The following GFOD1 variants were observed in gnomAD, a reference collection of about 807,000 sequenced individuals.
GFOD1 encodes Gfo/Idh/MocA-like oxidoreductase domain containing 1.
GFOD1 carries 9 observed loss-of-function variants against 25.4 expected under a neutral mutation model. The observed-to-expected ratio is 0.35, with a 90% CI of 0.21 to 0.62. The LOEUF (loss-of-function observed/expected upper bound fraction) is 0.62, where lower values mean the gene tolerates loss of function less well. Among genes scored for constraint, GFOD1 ranks in the 20% least tolerant of loss-of-function variants. The probability of loss-of-function intolerance (pLI) is 0.72; values close to 1 mark genes in which losing one functional copy is unlikely to be tolerated. For synonymous variants in GFOD1, 253 were observed against 245.6 expected, an observed-to-expected ratio of 1.03 and a Z score of -0.28; for missense variants, 403 against 556.9, an observed-to-expected ratio of 0.72 and a Z score of 2.78.
At chr6:13,371,549 T>A (rs1380278701) in intron 1 of GFOD1, among the ~76,000 whole-genome samples, 3 of 152,220 alleles carry the variant, frequency 2.0e-5, no homozygotes, top group African/African-American at 7.2e-5. Context: ...TGCAGAGAAT[T>A]AGGCAAAGGG....
intron 1 of GFOD1, among the ~76,000 whole-genome samples, chr6:13,478,207 T>G (rs1758671179): frequency 6.6e-6 from 1 of 152,218 alleles, no homozygotes; most frequent in South Asian, 2.1e-4. Flanking sequence ...TGGTGCAATC[T>G]TGGCTTACTG....
At chr6:13,395,226 C>G (rs913180246) in intron 1 of GFOD1, among the ~76,000 whole-genome samples, 7 of 152,084 alleles carry the variant, frequency 4.6e-5, no homozygotes, top group African/African-American at 1.7e-4. Context: ...AAAAATTGCC[C>G]TCACAATGTC....
At chr6:13,386,317 C>T (rs1785475296) in intron 1 of GFOD1, among the ~76,000 whole-genome samples, 1 of 152,168 alleles carries the variant, frequency 6.6e-6, no homozygotes, top group Admixed American at 6.5e-5. Context: ...TCCAAATCCC[C>T]CTTTTCATTT....
chr6:13,408,017 A>G, intron 1 of GFOD1: 1 of 985,344 alleles, frequency 1.0e-6, no homozygotes, highest in Middle Eastern at 5.2e-4. Flanking sequence ...TGCTCCCAGA[A>G]AACTATAATC....
intron 1 of GFOD1, among the ~76,000 whole-genome samples, chr6:13,480,999 A>T (rs1371622742): frequency 1.3e-5 from 2 of 152,198 alleles, no homozygotes; most frequent in Non-Finnish European, 2.9e-5. Flanking sequence ...CTACTAGGTG[A>T]CTAAGTGTCT....
chr6:13,416,559 C>T (rs769270095), intron 1 of GFOD1, among the ~76,000 whole-genome samples: 2 of 152,092 alleles, frequency 1.3e-5, no homozygotes, highest in Admixed American at 6.5e-5. Flanking sequence ...AAAGTCAGTA[C>T]GGCTGCTGTG....
At chr6:13,470,091 A>T in intron 1 of GFOD1, 1 of 1,408,604 alleles carries the variant, frequency 7.1e-7, no homozygotes, top group African/African-American at 1.4e-5. Flanking sequence ...CAGATGTTGA[A>T]TTCGTTTGAA....
chr6:13,403,076 G>GT (rs1292529317), intron 1 of GFOD1, among the ~76,000 whole-genome samples: 3 of 147,298 alleles, frequency 2.0e-5, no homozygotes, highest in Non-Finnish European at 4.5e-5. Context: ...AAATGGTAGG[G>GT]TTTTTTTGTT....
intron 1 of GFOD1, among the ~76,000 whole-genome samples, chr6:13,450,349 C>T (rs868681323): frequency 1.3e-5 from 2 of 152,334 alleles, no homozygotes; most frequent in Non-Finnish European, 1.5e-5. Flanking sequence ...TCTTCACTTG[C>T]GCTTAGTCAC....
At chr6:13,445,771 C>T (rs1013332089) in intron 1 of GFOD1, among the ~76,000 whole-genome samples, 18 of 152,220 alleles carry the variant, frequency 1.2e-4, no homozygotes, top group African/African-American at 4.3e-4. Context: ...AAGTAAAACT[C>T]AGGACTAATC....
At position 13,359,496 on chromosome 6, in the gene GFOD1, C is replaced by A. The variant is rs995457835; in HGVS notation, c.*5247G>T. Reference sequence around the variant, plus strand: ...TGGAGGGTGAGCCAAGTAGACCAAGCCTCAGGAAATCCCAGAGGTGAAGAT... The same window carrying A: ...TGGAGGGTGAGCCAAGTAGACCAAGACTCAGGAAATCCCAGAGGTGAAGAT... On this transcript the variant is annotated 3_prime_UTR_variant, in exon 2 of 2. Coordinates refer to ENST00000379287, the MANE Select transcript of GFOD1 (RefSeq NM_018988.4). 2.0e-5 allele frequency: 3 copies of A among 152,118 alleles called. No individual in the cohort carries two copies. Among genetic ancestry groups the A allele is most frequent in the African/African-American group, 7.2e-5 (3 of 41,394 alleles). The allele number at this position is 152,118 out of a possible 1,614,324, so 9.4% of individuals were successfully genotyped here.
chr6:13,477,112 G>A (rs943141367), intron 1 of GFOD1, among the ~76,000 whole-genome samples: 1 of 152,090 alleles, frequency 6.6e-6, no homozygotes, highest in Admixed American at 6.6e-5. Flanking sequence ...CTCCACCGAC[G>A]CGTCTTCCAG....
intron 1 of GFOD1, among the ~76,000 whole-genome samples, chr6:13,438,111 G>A (rs1484053643): frequency 6.6e-6 from 1 of 152,160 alleles, no homozygotes; most frequent in Non-Finnish European, 1.5e-5. Context: ...GGTTTAGTAG[G>A]CTACACACAA....
chr6:13,448,159 A>G (rs1270247621), intron 1 of GFOD1, among the ~76,000 whole-genome samples: 1 of 152,222 alleles, frequency 6.6e-6, no homozygotes, highest in Non-Finnish European at 1.5e-5. Flanking sequence ...CATGCTTGTT[A>G]TAAAGGTCTG....
chr6:13,397,137 T>G (rs1391890793), intron 1 of GFOD1, among the ~76,000 whole-genome samples: 1 of 152,074 alleles, frequency 6.6e-6, no homozygotes, highest in Non-Finnish European at 1.5e-5. Flanking sequence ...GCAGACCCAT[T>G]GTGGGTGCCC....
intron 1 of GFOD1, among the ~76,000 whole-genome samples, chr6:13,403,568 T>TA (rs1330541087): frequency 6.6e-6 from 1 of 152,222 alleles, no homozygotes; most frequent in African/African-American, 2.4e-5. Flanking sequence ...TGTGTATCTG[T>TA]AAAAATGTAC....
intron 1 of GFOD1, among the ~76,000 whole-genome samples, chr6:13,445,293 T>C (rs1181662481): frequency 6.6e-6 from 1 of 152,232 alleles, no homozygotes; most frequent in Admixed American, 6.5e-5. Flanking sequence ...CTTCTCAGAT[T>C]CATATTTGAT....
intron 1 of GFOD1, among the ~76,000 whole-genome samples, chr6:13,409,499 G>C (rs1786032084): frequency 6.6e-6 from 1 of 152,186 alleles, no homozygotes; most frequent in African/African-American, 2.4e-5. Flanking sequence ...TGCAATTTTA[G>C]TTACGTCTTT....
At chr6:13,470,912 T>A (rs914951521) in intron 1 of GFOD1, among the ~76,000 whole-genome samples, 1 of 151,984 alleles carries the variant, frequency 6.6e-6, no homozygotes, top group African/African-American at 2.4e-5. Flanking sequence ...CCCTAAAGAT[T>A]GCTCACACAG....
Sources: allele counts gnomAD v4.1 joint callset (sites outside exome capture counted in the v4.1 genomes callset), GRCh38; gene constraint gnomAD v4.1.1; transcripts MANE v1.5; gene names NCBI Gene and HGNC (gene_info 2026-07-23, HGNC 2026-07-21).